Variants in NAV3 observed in about 807,000 individuals in gnomAD.
NAV3 encodes neuron navigator 3.
A neutral mutation model predicts 244.7 loss-of-function variants in NAV3; 87 were observed. The observed-to-expected ratio is 0.36, with a 90% CI of 0.30 to 0.42. The LOEUF (loss-of-function observed/expected upper bound fraction) is 0.42, where lower values mean the gene tolerates loss of function less well. Ranked by LOEUF, NAV3 falls within the 20% of genes least tolerant of loss-of-function variation. The pLI is 1.00. For synonymous variants in NAV3, 1,126 were observed against 1,042.2 expected, an observed-to-expected ratio of 1.08 and a Z score of -1.55; for missense variants, 2,663 against 2,893.3, an observed-to-expected ratio of 0.92 and a Z score of 1.83.
chr12:77,925,491 C>T (rs1253148235), intron 1 of NAV3, among the ~76,000 whole-genome samples: 2 of 151,532 alleles, frequency 1.3e-5, no homozygotes, highest in Admixed American at 6.6e-5. Context: ...ATTGTGCATT[C>T]CAGCAATTGT....
intron 1 of NAV3, among the ~76,000 whole-genome samples, chr12:77,913,723 G>A (rs1015892709): frequency 1.3e-5 from 2 of 152,042 alleles, no homozygotes; most frequent in African/African-American, 2.4e-5. Context: ...TAAGAGTTGA[G>A]TATTTTTACA....
At chr12:77,873,193 C>T (rs1199617063) in intron 1 of NAV3, among the ~76,000 whole-genome samples, 2 of 152,208 alleles carry the variant, frequency 1.3e-5, no homozygotes, top group Non-Finnish European at 2.9e-5. Flanking sequence ...GAACTTGAGT[C>T]CCTTATACTT....
chr12:77,604,208 C>T (rs1000251285), intron 2 of NAV3, among the ~76,000 whole-genome samples: 5 of 152,046 alleles, frequency 3.3e-5, no homozygotes, highest in African/African-American at 1.2e-4. Context: ...TCTGCATAGA[C>T]AATTTTCTTC....
chr12:77,798,002 C>G (rs961702137), intron 2 of NAV3, among the ~76,000 whole-genome samples: 5 of 151,854 alleles, frequency 3.3e-5, no homozygotes, highest in South Asian at 4.2e-4. Context: ...AACCCTGTCT[C>G]TACTAAAATT....
chr12:77,749,114 A>G lies in NAV3; in HGVS notation c.72+176848A>G, dbSNP rs945033432. Among the ~76,000 whole-genome samples, 7 of 152,236 alleles carry G rather than the reference A, an allele frequency of 4.6e-5. No individual in the cohort carries two copies. The South Asian group carries it at 1.2e-3, about 27-fold the overall frequency. On this transcript the variant is annotated intron_variant, in intron 2 of 8. Coordinates refer to the NAV3 transcript ENST00000550042. ...GCTATGCATGCCACCAAGTGAAGTG[A>G]GAAAGATTCTCCCACCTTAGTTTTA...
chr12:78,025,084 G>T (rs1344704427), intron 9 of NAV3, among the ~76,000 whole-genome samples: 1 of 152,106 alleles, frequency 6.6e-6, no homozygotes, highest in Admixed American at 6.5e-5. Context: ...AAAGAGTACG[G>T]TTCAATCACA....
intron 2 of NAV3, among the ~76,000 whole-genome samples, chr12:77,658,121 G>A (rs1392739758): frequency 2.6e-5 from 4 of 151,956 alleles, no homozygotes; most frequent in Admixed American, 2.0e-4. Context: ...AATTAGGCAG[G>A]AGAAAGAAAT....
chr12:78,034,923 G>C (rs115882485), intron 9 of NAV3, among the ~76,000 whole-genome samples: 1 of 152,052 alleles, frequency 6.6e-6, no homozygotes, highest in Non-Finnish European at 1.5e-5. Flanking sequence ...TTATATAAAC[G>C]AGTAGTATTT....
At chr12:78,175,996 CA>C (rs1565762044) in intron 25 of NAV3, among the ~76,000 whole-genome samples, 1 of 151,956 alleles carries the variant, frequency 6.6e-6, no homozygotes, top group East Asian at 1.9e-4. Context: ...TTGGAATCGA[CA>C]GGGCTTACCG....
chr12:77,718,489 G>A (rs1017256426), intron 2 of NAV3, among the ~76,000 whole-genome samples: 6 of 152,062 alleles, frequency 3.9e-5, no homozygotes, highest in African/African-American at 7.2e-5. Context: ...TTTGTAATAT[G>A]TTTGGAGGTT....
rs7970535 is a variant in NAV3, at chr12:77,907,015, A to G, written c.244-33304A>G. On this transcript the variant is annotated intron_variant, in intron 1 of 39. Transcript: ENST00000397909. ...AGTGCCCTTCAAGCAGCCCTCCCAG[A>G]CTCCATTATCTCTACTTTCTAAGAA... Among the ~76,000 whole-genome samples, 231 of 152,070 alleles carry G rather than the reference A, an allele frequency of 1.5e-3. 2 individuals are homozygous for G. Among genetic ancestry groups the G allele is most frequent in the Middle Eastern group, 0.01 (3 of 294 alleles).
chr12:77,598,288 G>A (rs1231706832), intron 2 of NAV3, among the ~76,000 whole-genome samples: 1 of 151,994 alleles, frequency 6.6e-6, no homozygotes, highest in East Asian at 1.9e-4. Context: ...AATAATCTTT[G>A]TATGGATGTA....
At chr12:77,573,075 G>GGTGT (rs1592463716) in intron 2 of NAV3, among the ~76,000 whole-genome samples, 1 of 152,172 alleles carries the variant, frequency 6.6e-6, no homozygotes, top group African/African-American at 2.4e-5. Flanking sequence ...GTACAGGATA[G>GGTGT]GTGTGTGGGG....
At chr12:78,000,868 C>G (rs966110416) in intron 7 of NAV3, among the ~76,000 whole-genome samples, 1 of 150,032 alleles carries the variant, frequency 6.7e-6, no homozygotes, top group Non-Finnish European at 1.5e-5. Flanking sequence ...GTCCCAGCTA[C>G]TCAGGAGGCT....
At chr12:77,985,567 C>T (rs1215477125) in intron 5 of NAV3, among the ~76,000 whole-genome samples, 1 of 149,094 alleles carries the variant, frequency 6.7e-6, no homozygotes, top group Admixed American at 6.7e-5. Context: ...ATTTCTTTCT[C>T]TACTTTTTTT....
intron 2 of NAV3, among the ~76,000 whole-genome samples, chr12:77,573,226 A>T (rs538208699): frequency 6.6e-6 from 1 of 152,296 alleles, no homozygotes; most frequent in South Asian, 2.1e-4. Context: ...TCACATCCTG[A>T]AAAACAACTA....
chr12:77,683,953 A>C (rs780369031), intron 2 of NAV3, among the ~76,000 whole-genome samples: 51 of 152,126 alleles, frequency 3.4e-4, no homozygotes, highest in Non-Finnish European at 6.6e-4. Context: ...CTTTTCAGTA[A>C]ATATGTAGGA....
chr12:78,000,655 C>A (rs1408202876), intron 7 of NAV3, among the ~76,000 whole-genome samples: 1 of 134,842 alleles, frequency 7.4e-6, no homozygotes, highest in Admixed American at 7.5e-5. Flanking sequence ...AGGCGCCCGC[C>A]ACCACGCCCG....
intron 2 of NAV3, among the ~76,000 whole-genome samples, chr12:77,664,305 T>C (rs1267670519): frequency 6.6e-6 from 1 of 152,222 alleles, no homozygotes; most frequent in African/African-American, 2.4e-5. Flanking sequence ...TTTCTAGTCC[T>C]GCACCAAATA....
Sources: allele counts gnomAD v4.1 joint callset (sites outside exome capture counted in the v4.1 genomes callset), GRCh38; gene constraint gnomAD v4.1.1; transcripts MANE v1.5; gene names NCBI Gene and HGNC (gene_info 2026-07-23, HGNC 2026-07-21).